The following VTI1A variants were observed in gnomAD, a reference collection of about 807,000 sequenced individuals.
The protein encoded by VTI1A is vesicle transport through interaction with t-SNAREs homolog 1A.
Under a neutral mutation model 34.9 loss-of-function variants are expected in VTI1A, and 22 were observed. That is an observed-to-expected ratio of 0.63 (90% CI 0.45 to 0.90). The LOEUF (loss-of-function observed/expected upper bound fraction) is 0.90. Among genes scored for constraint, VTI1A ranks in the 40% least tolerant of loss-of-function variants. The pLI is 0.00. For synonymous variants in VTI1A, 87 were observed against 97.3 expected, an observed-to-expected ratio of 0.89 and a Z score of 0.62; for missense variants, 268 against 275.6, an observed-to-expected ratio of 0.97 and a Z score of 0.20.
chr10:112,773,250 C>T (rs915589177), intron 7 of VTI1A, among the ~76,000 whole-genome samples: 1 of 152,148 alleles, frequency 6.6e-6, no homozygotes, highest in African/African-American at 2.4e-5. Context: ...ATACCAAGTT[C>T]CTGGTCTTAT....
At chr10:112,474,100 C>T (rs1157928209) in intron 3 of VTI1A, among the ~76,000 whole-genome samples, 2 of 151,448 alleles carry the variant, frequency 1.3e-5, no homozygotes, top group African/African-American at 4.9e-5. Flanking sequence ...CTCGCTCTGT[C>T]GCCTAGGGTG....
intron 5 of VTI1A, among the ~76,000 whole-genome samples, chr10:112,633,533 G>A (rs921459109): frequency 6.6e-6 from 1 of 152,078 alleles, no homozygotes; most frequent in African/African-American, 2.4e-5. Context: ...GCAAAACACC[G>A]GGGCTGGAAC....
In VTI1A at chr10:112,706,096, G is replaced by A. The variant is rs1208335021; in HGVS notation, c.560+37098G>A. ...CTTTTAATAGAACATCATCATTTTC[G>A]TAGCCAATATTTGAAAATGACTACA... is the stretch of plus-strand genomic sequence containing the variant. On this transcript the variant is annotated intron_variant, in intron 7 of 7. Coordinates refer to ENST00000393077, the MANE Select transcript of VTI1A (RefSeq NM_145206.4). 5.3e-5 allele frequency among the ~76,000 whole-genome samples: 8 copies of A among 152,124 alleles called. No homozygotes were observed. The East Asian group carries it at 5.8e-4, about 11-fold the overall frequency.
At chr10:112,847,714 T>C in the VTI1A span, among the ~76,000 whole-genome samples, 1 of 152,242 alleles carries the variant, frequency 6.6e-6, no homozygotes, top group Non-Finnish European at 1.5e-5. Context: ...CTAATCATCC[T>C]GAGAATCTTT....
chr10:112,658,799 T>C (rs902527345), intron 5 of VTI1A, among the ~76,000 whole-genome samples: 2 of 152,294 alleles, frequency 1.3e-5, no homozygotes, highest in South Asian at 4.1e-4. Context: ...TTGCCAGATA[T>C]TCCAAATTTC....
chr10:112,673,459 C>T lies in VTI1A; in HGVS notation c.560+4461C>T, dbSNP rs867643264. On this transcript the variant is annotated intron_variant, in intron 7 of 7. Coordinates refer to ENST00000393077, the MANE Select transcript of VTI1A (RefSeq NM_145206.4). ...TTGCCCCCATTCACACACATGCGCG[C>T]GTGCGCGCGCACACACACACACACG... is the stretch of plus-strand genomic sequence containing the variant. Among the ~76,000 whole-genome samples, 24 of 77,060 alleles carry T rather than the reference C, an allele frequency of 3.1e-4. No individual in the cohort carries two copies. The South Asian group carries it at 6.5e-3, about 21-fold the overall frequency. 50.6% of individuals were successfully genotyped at this position (77,060 alleles called of 152,430 possible). A position where few individuals can be genotyped will look rare whatever the true frequency, so the allele number is the denominator to read the frequency against.
chr10:112,733,541 C>T (rs184160805), intron 7 of VTI1A, among the ~76,000 whole-genome samples: 9 of 152,074 alleles, frequency 5.9e-5, no homozygotes, highest in Non-Finnish European at 8.8e-5. Flanking sequence ...CATTCTCTGG[C>T]GTAGTGGTGT....
intron 5 of VTI1A, among the ~76,000 whole-genome samples, chr10:112,607,921 G>C (rs1290790107): frequency 6.6e-6 from 1 of 152,208 alleles, no homozygotes; most frequent in Non-Finnish European, 1.5e-5. Context: ...GTCTCTAAGA[G>C]AGAGTGTAGG....
intron 5 of VTI1A, among the ~76,000 whole-genome samples, chr10:112,578,322 G>T (rs2134389709): frequency 6.6e-6 from 1 of 152,300 alleles, no homozygotes; most frequent in African/African-American, 2.4e-5. Context: ...GGAGGTGGGG[G>T]GCAGGGATGA....
At chr10:112,464,902 A>T (rs1564787813) in intron 3 of VTI1A, 1 of 521,354 alleles carries the variant, frequency 1.9e-6, no homozygotes, top group Non-Finnish European at 3.4e-6. Flanking sequence ...TCTGAATGGT[A>T]TTTACTGATA....
chr10:112,462,090 T>C (rs1847747380), intron 2 of VTI1A, among the ~76,000 whole-genome samples: 1 of 152,220 alleles, frequency 6.6e-6, no homozygotes, highest in South Asian at 2.1e-4. Context: ...CCGCAGGTGA[T>C]CCACCCACCT....
At chr10:112,541,754 A>G (rs1253312215) in intron 5 of VTI1A, among the ~76,000 whole-genome samples, 2 of 152,234 alleles carry the variant, frequency 1.3e-5, no homozygotes, top group East Asian at 3.9e-4. Flanking sequence ...ACACATGTCC[A>G]TAATGTGCTT....
At chr10:112,497,167 A>C (rs1011353311) in intron 3 of VTI1A, among the ~76,000 whole-genome samples, 1 of 152,022 alleles carries the variant, frequency 6.6e-6, no homozygotes, top group Admixed American at 6.6e-5. Flanking sequence ...AAATTACAAA[A>C]GTTAGCTGGG....
chr10:112,712,303 T>C (rs1043586779), intron 7 of VTI1A, among the ~76,000 whole-genome samples: 12 of 152,032 alleles, frequency 7.9e-5, no homozygotes, highest in African/African-American at 2.9e-4. Flanking sequence ...GAAGTTGGAG[T>C]CCTCACATGT....
At chr10:112,461,652 G>A (rs983903501) in intron 2 of VTI1A, among the ~76,000 whole-genome samples, 2 of 152,140 alleles carry the variant, frequency 1.3e-5, no homozygotes, top group African/African-American at 4.8e-5. Flanking sequence ...GGTTTTAAAA[G>A]CTAACTACTA....
intron 7 of VTI1A, among the ~76,000 whole-genome samples, chr10:112,713,215 A>G (rs1366827013): frequency 2.0e-5 from 3 of 152,144 alleles, no homozygotes; most frequent in Middle Eastern, 3.2e-3. Flanking sequence ...CACCAGCCCA[A>G]TGGAGCACTA....
intron 5 of VTI1A, among the ~76,000 whole-genome samples, chr10:112,578,127 T>C (rs1238016007): frequency 6.6e-6 from 1 of 152,158 alleles, no homozygotes; most frequent in African/African-American, 2.4e-5. Context: ...GCCAGTGGCA[T>C]ATAGGACAGC....
chr10:112,453,687 A>G (rs919561910), intron 1 of VTI1A, among the ~76,000 whole-genome samples: 2 of 151,208 alleles, frequency 1.3e-5, no homozygotes, highest in Non-Finnish European at 2.9e-5. Context: ...TTTTTTAAGG[A>G]CTATATTGCT....
At chr10:112,556,180 G>A (rs1194154274) in intron 5 of VTI1A, among the ~76,000 whole-genome samples, 1 of 151,882 alleles carries the variant, frequency 6.6e-6, no homozygotes, top group Non-Finnish European at 1.5e-5. Flanking sequence ...AAGCTTTTAG[G>A]TAAGGACTTC....
Sources: gnomAD v4.1 joint callset for allele counts (sites outside exome capture counted in the v4.1 genomes callset) on GRCh38, gnomAD v4.1.1 for gene constraint, MANE v1.5 for transcripts, NCBI Gene and HGNC (gene_info 2026-07-23, HGNC 2026-07-21) for gene names.